The following PHC2 variants were observed in gnomAD, a reference collection of about 807,000 sequenced individuals.
PHC2 encodes the protein polyhomeotic homolog 2.
In PHC2, 29 loss-of-function variants were observed where a neutral mutation model predicts 87.4. That is an observed-to-expected ratio of 0.33 (90% CI 0.25 to 0.45). The LOEUF is 0.45. Ranked by LOEUF, PHC2 falls within the 20% of genes least tolerant of loss-of-function variation. PHC2 has a pLI of 1.00. For synonymous variants in PHC2, 438 were observed against 461.7 expected (o/e 0.95, Z 0.66); for missense variants, 857 against 1,136.7 (o/e 0.75, Z 3.54).
chr1:33,354,614 G>A, intron 8 of PHC2, 48 bp from the exon 9 acceptor site: 1 of 1,562,584 alleles, frequency 6.4e-7, no homozygotes, highest in Non-Finnish European at 8.7e-7. Context: ...AATAGCCTTT[G>A]CATTCTTGGA....
intron 7 of PHC2, among the ~76,000 whole-genome samples, chr1:33,360,292 G>T (rs1373724053): frequency 1.3e-5 from 2 of 152,260 alleles, no homozygotes; most frequent in African/African-American, 4.8e-5. Context: ...CCAAATACTT[G>T]CTGTGTACAG....
chr1:33,357,661 T>G (rs972365569), intron 7 of PHC2, among the ~76,000 whole-genome samples: 1 of 152,190 alleles, frequency 6.6e-6, no homozygotes, highest in Admixed American at 6.5e-5. Context: ...CTGACCCCAA[T>G]CTAAGCTGTG....
At chr1:33,378,756 G>T (rs1648308367) in intron 1 of PHC2, among the ~76,000 whole-genome samples, 1 of 152,142 alleles carries the variant, frequency 6.6e-6, no homozygotes, top group Admixed American at 6.5e-5. Context: ...AAAAGCATGA[G>T]CTAGAACAGA....
At chr1:33,397,107 T>C (rs1649326076) in intron 1 of PHC2, among the ~76,000 whole-genome samples, 1 of 152,180 alleles carries the variant, frequency 6.6e-6, no homozygotes, top group Non-Finnish European at 1.5e-5. Flanking sequence ...TCACAACACC[T>C]ACTTCACTGA....
rs369290284 is a variant in PHC2, at chr1:33,367,325, G to C, written c.767C>G (p.Pro256Arg). 6.2e-7 allele frequency: 1 copy of C among 1,613,072 alleles called. No individual in the cohort carries two copies. The highest frequency in any genetic ancestry group is 1.7e-5 in the Admixed American group (1 of 60,022). ...VLPSLALKPT[P>R]GGSQPLPTPA... ...GGTAGGCAGAGGCTGGCTACCGCCC[G>C]GCGTGGGTTTCAGGGCCAAGCTGGG... The change falls in exon 7 of 15, where the codon CCG becomes CGG. Residue 256 changes from proline (P) to arginine (R), a missense_variant. Physicochemically the swap from Pro to Arg is moderately radical, Grantham distance 103. Around this residue, in one of 3 missense-constraint regions of PHC2, gnomAD observed 832 missense variants for 1,081.8 expected, o/e 0.77. Coordinates refer to ENST00000683057, the MANE Select transcript of PHC2 (RefSeq NM_001385109.1).
At chr1:33,396,099 C>A (rs1649281945) in intron 1 of PHC2, among the ~76,000 whole-genome samples, 1 of 152,174 alleles carries the variant, frequency 6.6e-6, no homozygotes, top group Admixed American at 6.5e-5. Flanking sequence ...CTTAAGCCAA[C>A]CTCAGTAGGT....
chr1:33,384,480 T>A (rs1045723716), intron 1 of PHC2, among the ~76,000 whole-genome samples: 6 of 152,168 alleles, frequency 3.9e-5, no homozygotes, highest in African/African-American at 1.4e-4. Context: ...TCAAAATACC[T>A]CCACGTGGAA....
In PHC2 at chr1:33,377,270, T is replaced by C. The variant is rs542774032; in HGVS notation, c.-54-1677A>G. 2.0e-5 allele frequency among the ~76,000 whole-genome samples: 3 copies of C among 152,314 alleles called. No individual in the cohort carries two copies. In the South Asian group the frequency reaches 6.2e-4, roughly 32 times the overall value. On this transcript the variant is annotated intron_variant, in intron 1 of 14. Transcript: ENST00000683057. ...AGAGTGCCAAGCATATCCTGTGTGC[T>C]CTGTAAGCACTGGCTCTTGTGGCCT...
At chr1:33,326,609 T>C (rs747032448) in intron 14 of PHC2, among the ~76,000 whole-genome samples, 2 of 152,202 alleles carry the variant, frequency 1.3e-5, no homozygotes, top group Non-Finnish European at 2.9e-5. Flanking sequence ...CCCAACAAGA[T>C]TCCCAGAAAA....
At chr1:33,343,388 T>G (rs900777418) in intron 9 of PHC2, among the ~76,000 whole-genome samples, 4 of 145,958 alleles carry the variant, frequency 2.7e-5, no homozygotes, top group Admixed American at 2.2e-4. Flanking sequence ...GAGAATTGCT[T>G]GAACCCTGGA....
chr1:33,383,902 TCA>T (rs1491041161), intron 1 of PHC2, among the ~76,000 whole-genome samples: 4 of 142,920 alleles, frequency 2.8e-5, no homozygotes, highest in African/African-American at 1.0e-4. Flanking sequence ...GAGGAAGGAC[TCA>T]GGGGGAGCAT....
intron 3 of PHC2, 121 bp downstream of exon 3, chr1:33,372,168 C>T: frequency 2.0e-6 from 2 of 987,344 alleles, no homozygotes; most frequent in East Asian, 2.7e-5. Flanking sequence ...GTCACAAGGA[C>T]TTCTTTAGGT....
intron 9 of PHC2, chr1:33,346,901 A>G (rs1484373378): frequency 1.0e-6 from 1 of 985,312 alleles, no homozygotes; most frequent in Non-Finnish European, 1.2e-6. Flanking sequence ...GACAATAATC[A>G]TGTTCTGTGT....
rs1646756072 is a variant in PHC2, at chr1:33,342,150, G to T, written c.1559-7858C>A. On this transcript the variant is annotated intron_variant, in intron 9 of 14. Transcript: ENST00000683057. ...ATCCACACCTGAGTTCCTTGCAGGG[G>T]GCTGGCCAGCAGGATGAAGGAGAGG... is the stretch of plus-strand genomic sequence containing the variant. Among the ~76,000 whole-genome samples the T allele has an allele frequency of 2.0e-5, 3 of 152,228 alleles. No individual in the cohort carries two copies. The South Asian group carries it at 6.2e-4, about 31-fold the overall frequency.
intron 7 of PHC2, among the ~76,000 whole-genome samples, chr1:33,356,251 A>ATATATATATATATATATATATATG (rs1553185632): frequency 0.032 from 1,248 of 39,580 alleles, 31 homozygotes; most frequent in Non-Finnish European, 0.045. Context: ...GAAAATTCTT[A>ATATATATATATATATATATATATG]TATATATATA....
rs1340201560 is a variant in PHC2 at position 33,382,112 on chromosome 1, A to C, written c.-54-6519T>G. Among the ~76,000 whole-genome samples the C allele has an allele frequency of 1.3e-5, 2 of 152,146 alleles. No homozygotes were observed. Among genetic ancestry groups the C allele is most frequent in the Admixed American group, 1.3e-4 (2 of 15,284 alleles). Reference sequence around the variant, plus strand: ...ATTGTTGGTCTCCTAGTAGAAGGGAACTTGAGTTGGAAGAAAACATAATTA... The same window carrying C: ...ATTGTTGGTCTCCTAGTAGAAGGGACCTTGAGTTGGAAGAAAACATAATTA... On this transcript the variant is annotated intron_variant, in intron 1 of 14. Transcript: ENST00000683057. This position sits in a 1 kb window ranked among gnomAD's most constrained non-coding sequence, Gnocchi z 4.3.
chr1:33,346,906 C>T (rs1399821557), intron 9 of PHC2: 5 of 985,272 alleles, frequency 5.1e-6, no homozygotes, highest in Non-Finnish European at 6.0e-6. Flanking sequence ...TAATCATGTT[C>T]TGTGTTTTTC....
intron 7 of PHC2, among the ~76,000 whole-genome samples, chr1:33,356,786 G>A (rs1647096484): frequency 6.6e-6 from 1 of 151,982 alleles, no homozygotes; most frequent in Non-Finnish European, 1.5e-5. Flanking sequence ...ATCATGGCCC[G>A]TTCTCAATGA....
At chr1:33,335,039 G>T in intron 9 of PHC2, 2 of 238,932 alleles carry the variant, frequency 8.4e-6, no homozygotes, top group African/African-American at 2.3e-5. Context: ...TATCTAATCT[G>T]ATCCTCACCA....
Sources: gnomAD v4.1 joint callset for allele counts (sites outside exome capture counted in the v4.1 genomes callset) on GRCh38, gnomAD v4.1.1 for gene constraint, gnomAD v4.1.1 regional missense constraint, Gnocchi (gnomAD v3.1) non-coding constraint, MANE v1.5 for transcripts, NCBI Gene and HGNC (gene_info 2026-07-23, HGNC 2026-07-21) for gene names.